The following ATP2B1 variants were observed in gnomAD, a reference collection of about 807,000 sequenced individuals.
The protein encoded by ATP2B1 is plasma membrane calcium-transporting ATPase 1.
In ATP2B1, 14 loss-of-function variants were observed where a neutral mutation model predicts 124.2. That is an observed-to-expected ratio of 0.11 (90% CI 0.07 to 0.18). The LOEUF is 0.18. Ranked by LOEUF, ATP2B1 falls within the 10% of genes least tolerant of loss-of-function variation. The probability of loss-of-function intolerance (pLI) is 1.00; values close to 1 mark genes in which losing one functional copy is unlikely to be tolerated. For missense variants in ATP2B1, 763 were observed against 1,466.1 expected (o/e 0.52, Z 7.83); for synonymous variants, 449 against 492.4 (o/e 0.91, Z 1.17).
At position 89,666,956 on chromosome 12, in the gene ATP2B1, C is replaced by A. The variant is rs151085682; in HGVS notation, c.-221-10849G>T. Among the ~76,000 whole-genome samples the A allele has an allele frequency of 1.3e-3, 195 of 152,136 alleles. 1 individual carries two copies. Among genetic ancestry groups the A allele is most frequent in the East Asian group, 8.9e-3 (46 of 5,184 alleles). On this transcript the variant is annotated intron_variant, in intron 1 of 20. Coordinates refer to ENST00000428670, the MANE Select transcript of ATP2B1 (RefSeq NM_001366521.1). ...CTACTACATAAAAGACCATTTTTCT[C>A]CACCCACCTCCCTGCCACAAAAAAC...
At chr12:89,682,391 A>G (rs1889462519) in intron 1 of ATP2B1, among the ~76,000 whole-genome samples, 1 of 152,186 alleles carries the variant, frequency 6.6e-6, no homozygotes, top group Non-Finnish European at 1.5e-5. Context: ...GAAACATGCA[A>G]AAATAGCCAA....
At chr12:89,656,743 T>C (rs889450636) in intron 1 of ATP2B1, among the ~76,000 whole-genome samples, 4 of 152,228 alleles carry the variant, frequency 2.6e-5, no homozygotes, top group African/African-American at 7.2e-5. Context: ...TTGTCACATG[T>C]TACCACCTCA....
intron 15 of ATP2B1, among the ~76,000 whole-genome samples, chr12:89,604,621 C>T (rs1001851507): frequency 1.1e-4 from 16 of 151,960 alleles, no homozygotes; most frequent in African/African-American, 3.9e-4. Context: ...AAGTTCCTTC[C>T]AAAAGCCACA....
At chr12:89,684,702 T>C (rs1436454134) in intron 1 of ATP2B1, among the ~76,000 whole-genome samples, 6 of 152,180 alleles carry the variant, frequency 3.9e-5, no homozygotes, top group South Asian at 2.1e-4. Context: ...TGCAGAGCTT[T>C]ATGTTTACTG....
Position 89,603,379 on chromosome 12 carries a change from G to T in ATP2B1, c.2849-125C>A. On this transcript the variant is annotated intron_variant, in intron 17 of 20. Transcript: ENST00000428670. This position sits in a 1 kb window ranked among gnomAD's most constrained non-coding sequence, Gnocchi z 4.3. ...AAATGGCAGCATGGAAGGAGCTAGA[G>T]AAACCTGGGATTATCTAGTACAACT... 6 of 808,764 alleles carry T rather than the reference G, an allele frequency of 7.4e-6. No individual in the cohort carries two copies. Among genetic ancestry groups the T allele is most frequent in the Non-Finnish European group, 1.1e-5 (6 of 528,644 alleles). 50.1% of individuals were successfully genotyped at this position (808,764 alleles called of 1,614,324 possible). A position where few individuals can be genotyped will look rare whatever the true frequency, so the allele number is the denominator to read the frequency against.
intron 15 of ATP2B1, among the ~76,000 whole-genome samples, chr12:89,606,326 G>A (rs1176944523): frequency 6.6e-6 from 1 of 152,076 alleles, no homozygotes; most frequent in Non-Finnish European, 1.5e-5. Flanking sequence ...AGATATAAAG[G>A]TACATAACTA....
At chr12:89,702,101 A>G (rs1207040988) in intron 1 of ATP2B1, among the ~76,000 whole-genome samples, 1 of 152,228 alleles carries the variant, frequency 6.6e-6, no homozygotes, top group Non-Finnish European at 1.5e-5. Flanking sequence ...GTTTTGTGAA[A>G]TGAGAGGACA....
At chr12:89,616,751 C>T (rs1331632007) in intron 12 of ATP2B1, 51 bp downstream of exon 12, 1 of 1,539,358 alleles carries the variant, frequency 6.5e-7, no homozygotes. Context: ...AGGCCTAGGT[C>T]CTCTATAGTT....
chr12:89,588,917 A>G lies in ATP2B1; in HGVS notation c.*2067T>C, dbSNP rs932575086. On this transcript the variant is annotated 3_prime_UTR_variant, in exon 21 of 21. Transcript: ENST00000428670. ...TTTAGAGTTGAAAGGGTTCTTCAAG[A>G]TAGTCCACCACCCTTATTTAGGGTA... 3.3e-5 allele frequency: 5 copies of G among 152,560 alleles called. No homozygotes were observed. The highest frequency in any genetic ancestry group is 5.9e-5 in the Non-Finnish European group (4 of 68,012). 9.5% of individuals were successfully genotyped at this position (152,560 alleles called of 1,614,324 possible). A position where few individuals can be genotyped will look rare whatever the true frequency, so the allele number is the denominator to read the frequency against.
chr12:89,654,330 T>C (rs956636170), intron 2 of ATP2B1, among the ~76,000 whole-genome samples: 4 of 152,234 alleles, frequency 2.6e-5, no homozygotes, highest in African/African-American at 9.6e-5. Flanking sequence ...TGCAATACCA[T>C]TTTAATGTAT....
At chr12:89,680,651 C>T (rs572760219) in intron 1 of ATP2B1, among the ~76,000 whole-genome samples, 3 of 152,028 alleles carry the variant, frequency 2.0e-5, no homozygotes, top group South Asian at 2.1e-4. Context: ...TCAGAAACAA[C>T]GGAACAGAAC....
At chr12:89,591,563 C>G (rs1284282896) in intron 20 of ATP2B1, among the ~76,000 whole-genome samples, 1 of 151,920 alleles carries the variant, frequency 6.6e-6, no homozygotes. Flanking sequence ...AATTTAATAG[C>G]CATTTTATAG....
intron 12 of ATP2B1, among the ~76,000 whole-genome samples, chr12:89,615,101 C>T (rs1446333714): frequency 6.6e-6 from 1 of 152,154 alleles, no homozygotes; most frequent in East Asian, 1.9e-4. Flanking sequence ...CCACACTGGC[C>T]TCTTTTCCAC....
At chr12:89,691,747 A>G (rs866333211) in intron 1 of ATP2B1, among the ~76,000 whole-genome samples, 42 of 152,228 alleles carry the variant, frequency 2.8e-4, no homozygotes, top group African/African-American at 1.0e-3. Flanking sequence ...CATTCTTTCC[A>G]CTTCCCAGCA....
At chr12:89,624,524 T>TCA in intron 8 of ATP2B1, 127 bp from the exon 9 acceptor site, 3 of 819,970 alleles carry the variant, frequency 3.7e-6, no homozygotes, top group South Asian at 1.9e-5. Flanking sequence ...TCTGAGAAAT[T>TCA]ACTTCTTTCT....
intron 1 of ATP2B1, among the ~76,000 whole-genome samples, chr12:89,697,913 T>TACACAAA (rs1891362953): frequency 6.6e-6 from 1 of 152,202 alleles, no homozygotes. Context: ...TCTCGCTCTG[T>TACACAAA]TGTCCAGGCT....
chr12:89,590,990 T>A lies in ATP2B1; in HGVS notation c.3657A>T (p.Ser1219=). The A allele has an allele frequency of 6.2e-7, 1 of 1,611,016 alleles. No individual in the cohort carries two copies. Among genetic ancestry groups the A allele is most frequent in the Non-Finnish European group, 8.5e-7 (1 of 1,177,828 alleles). The change falls in exon 21 of 21, where the codon TCA becomes TCT. Residue 1219 remains serine, a synonymous_variant. Transcript: ENST00000428670. The part of the protein sequence containing the change: ...PGSPLHSLET[S]L ...GTTAACATTCAGCTTACAATCAGAG[T>A]GATGTTTCCAAACTATGTAGTGGGC... is the stretch of plus-strand genomic sequence containing the variant.
chr12:89,630,989 C>T (rs1881783822), intron 5 of ATP2B1, among the ~76,000 whole-genome samples: 1 of 151,886 alleles, frequency 6.6e-6, no homozygotes, highest in Non-Finnish European at 1.5e-5. Flanking sequence ...TCAGGCTGGT[C>T]TCAAACTCCT....
chr12:89,655,680 T>G lies in ATP2B1; in HGVS notation c.207A>C (p.Glu69Asp). The G allele has an allele frequency of 6.2e-7, 1 of 1,613,824 alleles. No individual in the cohort carries two copies. Among genetic ancestry groups the G allele is most frequent in the Non-Finnish European group, 8.5e-7 (1 of 1,179,690 alleles). ...AAAAACAAGCATAATAAAACTCACC[T>G]TCATTGGGAGATGTTTTCAATTTGG... ...ICTKLKTSPNEGLSGNPADLE... is the reference protein window; with the variant it reads ...ICTKLKTSPNDGLSGNPADLE... Residue 69 changes from glutamate (E) to aspartate (D), a missense_variant and splice_region_variant, in exon 2 of 21, where the codon GAA becomes GAC. By Grantham distance (45) the Glu-to-Asp change is conservative (BLOSUM62 2). Transcript: ENST00000428670.
Sources: allele counts gnomAD v4.1 joint callset (sites outside exome capture counted in the v4.1 genomes callset), GRCh38; gene constraint gnomAD v4.1.1; non-coding constraint Gnocchi (gnomAD v3.1); transcripts MANE v1.5; gene names NCBI Gene and HGNC (gene_info 2026-07-23, HGNC 2026-07-21).